AKR1C3: variants seen among roughly 807,000 people sequenced by gnomAD.
AKR1C3 encodes the protein aldo-keto reductase family 1 member C3, also known as 3-alpha hydroxysteroid dehydrogenase, type II.
A neutral mutation model predicts 43.6 loss-of-function variants in AKR1C3; 48 were observed. The observed-to-expected ratio is 1.10, with a 90% CI of 0.87 to 1.40. AKR1C3 has a LOEUF of 1.40. Among genes scored for constraint, AKR1C3 ranks in the 40% most tolerant of loss-of-function variants. The pLI, the probability that AKR1C3 is intolerant of heterozygous loss-of-function variation, is 0.00. For missense variants in AKR1C3, 482 were observed against 391.2 expected (o/e 1.23, Z -1.96); for synonymous variants, 162 against 139.6 (o/e 1.16, Z -1.13).
chr10:5,103,940 A>C (rs1234476323), intron 7 of AKR1C3, among the ~76,000 whole-genome samples: 1 of 151,900 alleles, frequency 6.6e-6, no homozygotes, highest in Non-Finnish European at 1.5e-5. Context: ...TGATAGATTG[A>C]TATATATATT....
chr10:5,063,515 G>A (rs530020951), intron 1 of AKR1C3, among the ~76,000 whole-genome samples: 2 of 151,632 alleles, frequency 1.3e-5, no homozygotes, highest in South Asian at 4.2e-4. Context: ...GGCACAAGTA[G>A]CTGGGAGCAG....
At chr10:5,048,866 C>A (rs781882327) in exon 1 of AKR1C3, 1 of 1,613,890 alleles carries the variant, frequency 6.2e-7, no homozygotes, top group Non-Finnish European at 8.5e-7. Context: ...CATGCCTGTC[C>A]TGGGATTTGG....
chr10:5,107,085 CATATAT>C (rs1839523300), intron 8 of AKR1C3, among the ~76,000 whole-genome samples: 1 of 152,032 alleles, frequency 6.6e-6, no homozygotes. Context: ...GACCCTATAT[CATATAT>C]AACAATTTAC....
intron 7 of AKR1C3, among the ~76,000 whole-genome samples, chr10:5,105,025 A>T (rs1554786864): frequency 1.3e-5 from 2 of 150,332 alleles, no homozygotes; most frequent in African/African-American, 4.9e-5. Context: ...GTTAGCAATT[A>T]GTGGCATCCT....
chr10:5,101,581 C>G (rs1839351293), intron 5 of AKR1C3, among the ~76,000 whole-genome samples: 1 of 152,178 alleles, frequency 6.6e-6, no homozygotes, highest in South Asian at 2.1e-4. Context: ...ACTCATTACT[C>G]TGGACTTGGA....
At chr10:5,058,705 G>A (rs965679318) in intron 1 of AKR1C3, among the ~76,000 whole-genome samples, 1 of 152,134 alleles carries the variant, frequency 6.6e-6, no homozygotes, top group Non-Finnish European at 1.5e-5. Context: ...TGCGCTCACC[G>A]ACGCAGCAGC....
rs1554787079 is a variant in AKR1C3, at chr10:5,105,680, A to C, written c.929+3A>C. On this transcript the variant is annotated splice_donor_region_variant and intron_variant, in intron 8 of 8. Transcript: ENST00000380554. ...CTCCACTATTTTAACAGTGATAGGTAAGTTTCCTTTGTAAATGGGTGATCT... is the reference window on the plus strand; with the variant it reads ...CTCCACTATTTTAACAGTGATAGGTCAGTTTCCTTTGTAAATGGGTGATCT... 4 of 1,609,358 alleles carry C rather than the reference A, an allele frequency of 2.5e-6. No homozygotes were observed. Among genetic ancestry groups the C allele is most frequent in the African/African-American group, 2.7e-5 (2 of 74,838 alleles).
intron 1 of AKR1C3, among the ~76,000 whole-genome samples, chr10:5,055,898 T>G (rs1838250784): frequency 6.6e-6 from 1 of 152,216 alleles, no homozygotes; most frequent in Non-Finnish European, 1.5e-5. Flanking sequence ...AGGAACCCCC[T>G]CAACTGTTTT....
rs199934766 is a variant in AKR1C3, at chr10:5,102,125, C to A, written c.595C>A (p.Arg199=). 6 of 1,613,466 alleles carry A rather than the reference C, an allele frequency of 3.7e-6. No individual in the cohort carries two copies. In the South Asian group the frequency reaches 4.4e-5, roughly 12 times the overall value. The change falls in exon 6 of 9, where the codon CGG becomes AGG. Residue 199 remains arginine, a synonymous_variant. Coordinates refer to ENST00000380554, the MANE Select transcript of AKR1C3 (RefSeq NM_003739.6). ...NQVECHPYFN[R]SKLLDFCKSK... ...GGTAGAATGTCATCCGTATTTCAAC[C>A]GGAGTAAATTGCTAGATTTCTGCAA...
intron 1 of AKR1C3, among the ~76,000 whole-genome samples, chr10:5,067,109 T>C (rs1838522312): frequency 6.6e-6 from 1 of 152,258 alleles, no homozygotes; most frequent in African/African-American, 2.4e-5. Context: ...CTTAAGTACA[T>C]TGGGCCTTTG....
chr10:5,088,709 G>T (rs1250145548), intron 1 of AKR1C3, among the ~76,000 whole-genome samples: 2 of 151,684 alleles, frequency 1.3e-5, no homozygotes, highest in Admixed American at 1.3e-4. Context: ...AGACCTAATG[G>T]TAGATCTCCT....
intron 1 of AKR1C3, among the ~76,000 whole-genome samples, chr10:5,056,836 C>A (rs1460908503): frequency 6.6e-6 from 1 of 152,216 alleles, no homozygotes; most frequent in Non-Finnish European, 1.5e-5. Flanking sequence ...AGAGCAAAGT[C>A]TCCCAATTAC....
chr10:5,094,440 A>G lies in AKR1C3; in HGVS notation c.-5A>G. The G allele has an allele frequency of 6.2e-7, 1 of 1,609,200 alleles. No individual in the cohort carries two copies. Among genetic ancestry groups the G allele is most frequent in the Non-Finnish European group, 8.5e-7 (1 of 1,175,728 alleles). ...AACATTTGCTAGTCAGACAAGTGAC[A>G]GGGAATGGATTCCAAACACCAGTGT... is the stretch of plus-strand genomic sequence containing the variant. On this transcript the variant is annotated 5_prime_UTR_variant, in exon 1 of 9. Coordinates refer to ENST00000380554, the MANE Select transcript of AKR1C3 (RefSeq NM_003739.6).
At chr10:5,098,018 AG>A (rs1297202872) in intron 3 of AKR1C3, 9 of 1,005,112 alleles carry the variant, frequency 9.0e-6, no homozygotes, top group Non-Finnish European at 9.5e-6. Flanking sequence ...GGACTTGCAA[AG>A]CTTTATTATT....
intron 1 of AKR1C3, among the ~76,000 whole-genome samples, chr10:5,060,947 G>T (rs1335637520): frequency 6.6e-6 from 1 of 152,228 alleles, no homozygotes; most frequent in East Asian, 1.9e-4. Flanking sequence ...TGCAGGGCCT[G>T]CTGAGCCCAT....
At chr10:5,103,021 C>G (rs1365869052) in intron 7 of AKR1C3, among the ~76,000 whole-genome samples, 1 of 150,728 alleles carries the variant, frequency 6.6e-6, no homozygotes, top group Non-Finnish European at 1.5e-5. Flanking sequence ...TCCTGAGTAG[C>G]TGGGATTACA....
intron 1 of AKR1C3, among the ~76,000 whole-genome samples, chr10:5,053,119 G>T (rs1838186292): frequency 6.6e-6 from 1 of 152,270 alleles, no homozygotes; most frequent in Non-Finnish European, 1.5e-5. Flanking sequence ...AGGTGGAGCT[G>T]CCTGCCAGTC....
At chr10:5,096,225 A>G in intron 1 of AKR1C3, 185 bp from the exon 2 acceptor site, 1 of 602,144 alleles carries the variant, frequency 1.7e-6, no homozygotes, top group East Asian at 2.9e-5. Context: ...CCTGAGACTG[A>G]AGGTGTTTCT....
chr10:5,107,613 GT>G lies in AKR1C3; in HGVS notation c.*113del. On this transcript the variant is annotated 3_prime_UTR_variant, in exon 9 of 9. Coordinates refer to ENST00000380554, the MANE Select transcript of AKR1C3 (RefSeq NM_003739.6). ...TATCACCTCTACTTAAATCCGTCCT[GT>G]TTAGCGACTTCAGTCAACTACAGCT... 1 of 801,684 alleles carries G rather than the reference GT, an allele frequency of 1.2e-6. No individual in the cohort carries two copies. The highest frequency in any genetic ancestry group is 2.7e-5 in the Admixed American group (1 of 36,628). 49.7% of individuals were successfully genotyped at this position (801,684 alleles called of 1,614,324 possible).
Sources: gnomAD v4.1 joint callset for allele counts (sites outside exome capture counted in the v4.1 genomes callset) on GRCh38, gnomAD v4.1.1 for gene constraint, MANE v1.5 for transcripts, NCBI Gene and HGNC (gene_info 2026-07-23, HGNC 2026-07-21) for gene names.